Variants in RABGAP1L observed in about 807,000 individuals in gnomAD.
RABGAP1L encodes the protein rab GTPase-activating protein 1-like.
RABGAP1L carries 63 observed loss-of-function variants against 137.7 expected under a neutral mutation model. The ratio of observed to expected loss-of-function variants is 0.46; its 90% CI spans 0.37 to 0.56. RABGAP1L has a LOEUF of 0.56. Ranked by LOEUF, RABGAP1L falls within the 20% of genes least tolerant of loss-of-function variation. The pLI is 0.00. For missense variants in RABGAP1L, 1,095 were observed against 1,244.0 expected (o/e 0.88, Z 1.80); for synonymous variants, 431 against 433.7 (o/e 0.99, Z 0.08).
intron 19 of RABGAP1L, among the ~76,000 whole-genome samples, chr1:174,914,163 A>G (rs1302687743): frequency 8.5e-5 from 13 of 152,154 alleles, no homozygotes; most frequent in Non-Finnish European, 1.6e-4. Flanking sequence ...CCTAAAATCC[A>G]GTGGTTTTTC....
intron 20 of RABGAP1L, among the ~76,000 whole-genome samples, chr1:174,966,970 CAAATAT>C (rs1221698386): frequency 1.3e-5 from 2 of 151,854 alleles, no homozygotes; most frequent in Admixed American, 6.6e-5. Context: ...AATCCTATTA[CAAATAT>C]ATATTCATTG....
intron 13 of RABGAP1L, among the ~76,000 whole-genome samples, chr1:174,630,141 A>G (rs1018561304): frequency 2.6e-5 from 4 of 151,658 alleles, no homozygotes; most frequent in Admixed American, 6.6e-5. Flanking sequence ...TTCGGCATCT[A>G]TTGAGATAAT....
In RABGAP1L at chr1:174,787,353, A is replaced by G. The variant is rs1021785189; in HGVS notation, c.2212-24479A>G. ...GGGAGGTGGAGATTGCAGTGAGCTG[A>G]CATTGCACCATTGCACTCTGGCCTG... On this transcript the variant is annotated intron_variant, in intron 18 of 25. Coordinates refer to ENST00000681986, the MANE Select transcript of RABGAP1L (RefSeq NM_001366446.1). Among the ~76,000 whole-genome samples the G allele has an allele frequency of 1.1e-4, 16 of 150,538 alleles. No individual in the cohort carries two copies. The East Asian group carries it at 1.4e-3, about 13-fold the overall frequency.
chr1:174,264,677 A>C (rs184128687), intron 7 of RABGAP1L, among the ~76,000 whole-genome samples: 473 of 152,228 alleles, frequency 3.1e-3, no homozygotes, highest in Non-Finnish European at 4.4e-3. Context: ...TGGCATTTTC[A>C]ACTCCATTTT....
At chr1:174,195,325 GT>G (rs1228459573) in intron 1 of RABGAP1L, among the ~76,000 whole-genome samples, 1 of 151,836 alleles carries the variant, frequency 6.6e-6, no homozygotes, top group Non-Finnish European at 1.5e-5. Context: ...TTGATTTCTT[GT>G]TTTTCTGTAG....
rs190069341 is a variant in RABGAP1L at position 174,494,997 on chromosome 1, G to T, written c.1710+100852G>T. Among the ~76,000 whole-genome samples, 579 of 152,220 alleles carry T rather than the reference G, an allele frequency of 3.8e-3. 4 individuals are homozygous for T. Among genetic ancestry groups the T allele is most frequent in the African/African-American group, 0.012 (499 of 41,520 alleles). ...TGGTAAGAAAATAATTTACCTTCTAGCATTGACCCCCTTATCAATCCCTTA... is the reference window on the plus strand; with the variant it reads ...TGGTAAGAAAATAATTTACCTTCTATCATTGACCCCCTTATCAATCCCTTA... On this transcript the variant is annotated intron_variant, in intron 13 of 25. Transcript: ENST00000681986.
chr1:174,385,195 G>T (rs1686654955), intron 12 of RABGAP1L, among the ~76,000 whole-genome samples: 2 of 152,198 alleles, frequency 1.3e-5, no homozygotes. Context: ...GTAGCAGAGG[G>T]TGACATGTGA....
intron 12 of RABGAP1L, among the ~76,000 whole-genome samples, chr1:174,375,422 A>T (rs1685440891): frequency 6.6e-6 from 1 of 151,992 alleles, no homozygotes; most frequent in South Asian, 2.1e-4. Context: ...ACTGAAGCTG[A>T]TTTTTATAAA....
At chr1:174,247,991 CTT>C (rs1672406888) in intron 5 of RABGAP1L, among the ~76,000 whole-genome samples, 1 of 152,016 alleles carries the variant, frequency 6.6e-6, no homozygotes, top group Non-Finnish European at 1.5e-5. Context: ...AGACAGTAGA[CTT>C]TATATTTCAT....
intron 19 of RABGAP1L, chr1:174,893,131 G>A: frequency 9.4e-6 from 3 of 318,698 alleles, no homozygotes; most frequent in Admixed American, 3.3e-5. Flanking sequence ...TCATTGTGCG[G>A]CCCTGTGTGC....
At chr1:174,551,584 G>T (rs1031620783) in intron 13 of RABGAP1L, among the ~76,000 whole-genome samples, 1 of 152,140 alleles carries the variant, frequency 6.6e-6, no homozygotes, top group Non-Finnish European at 1.5e-5. Context: ...GATCAATAGT[G>T]TAAGTTTCTT....
intron 19 of RABGAP1L, among the ~76,000 whole-genome samples, chr1:174,834,257 T>A (rs1692482256): frequency 6.6e-6 from 1 of 151,918 alleles, no homozygotes; most frequent in African/African-American, 2.4e-5. Flanking sequence ...GGAAACCCTC[T>A]CTCTACTAAA....
chr1:174,723,530 T>C (rs1245242689), intron 17 of RABGAP1L, among the ~76,000 whole-genome samples: 1 of 152,186 alleles, frequency 6.6e-6, no homozygotes, highest in Non-Finnish European at 1.5e-5. Context: ...ATCCCACTAT[T>C]GGGCCATAGT....
intron 18 of RABGAP1L, among the ~76,000 whole-genome samples, chr1:174,765,906 G>C (rs1235392405): frequency 6.6e-6 from 1 of 152,104 alleles, no homozygotes; most frequent in Non-Finnish European, 1.5e-5. Context: ...ATGTAAGGCA[G>C]GGCATTATGG....
chr1:174,169,636 C>A (rs1421864680), intron 1 of RABGAP1L, among the ~76,000 whole-genome samples: 10 of 152,092 alleles, frequency 6.6e-5, no homozygotes. Context: ...ATGGTAACTT[C>A]ATTATGTTCC....
chr1:174,304,916 ATTTAAATACTATCTTT>A, intron 10 of RABGAP1L, 54 bp from the exon 11 acceptor site: 4 of 1,338,252 alleles, frequency 3.0e-6, no homozygotes, highest in Non-Finnish European at 3.0e-6. Context: ...TGAATGCATT[ATTTAAATACTATCTTT>A]CAATGTTTCC....
chr1:174,865,620 C>T (rs952595350), intron 19 of RABGAP1L, among the ~76,000 whole-genome samples: 1 of 151,656 alleles, frequency 6.6e-6, no homozygotes, highest in Non-Finnish European at 1.5e-5. Context: ...AAGACATTAC[C>T]CTATCATAAA....
intron 11 of RABGAP1L, among the ~76,000 whole-genome samples, chr1:174,310,620 G>A (rs1216474342): frequency 1.3e-5 from 2 of 152,130 alleles, no homozygotes; most frequent in African/African-American, 4.8e-5. Context: ...GTACTTTGAT[G>A]TTGAGTGCAT....
chr1:174,679,067 C>A (rs1677857507), intron 14 of RABGAP1L, among the ~76,000 whole-genome samples: 1 of 152,232 alleles, frequency 6.6e-6, no homozygotes, highest in Admixed American at 6.5e-5. Context: ...CCCAAAGGGG[C>A]TTTCCATTGC....
Sources: gnomAD v4.1 joint callset for allele counts (sites outside exome capture counted in the v4.1 genomes callset) on GRCh38, gnomAD v4.1.1 for gene constraint, MANE v1.5 for transcripts, NCBI Gene and HGNC (gene_info 2026-07-23, HGNC 2026-07-21) for gene names.